The following TMEM164 variants were observed in gnomAD, a reference collection of about 807,000 sequenced individuals.
TMEM164 encodes the protein RP13-360B22.2.
A neutral mutation model predicts 18.8 loss-of-function variants in TMEM164; 4 were observed. That is an observed-to-expected ratio of 0.21 (90% CI 0.10 to 0.49). The LOEUF (loss-of-function observed/expected upper bound fraction) is 0.49, where lower values mean the gene tolerates loss of function less well. Ranked by LOEUF, TMEM164 falls within the 20% of genes least tolerant of loss-of-function variation. TMEM164 has a pLI of 0.98. For missense variants in TMEM164, 108 were observed against 239.9 expected, an observed-to-expected ratio of 0.45 and a Z score of 3.63; for synonymous variants, 86 against 101.7, an observed-to-expected ratio of 0.85 and a Z score of 0.93.
intron 4 of TMEM164, among the ~76,000 whole-genome samples, chrX:110,144,279 T>A (rs2066819066): frequency 8.9e-6 from 1 of 112,192 alleles, no homozygotes; most frequent in Non-Finnish European, 1.9e-5. Context: ...CCATATATTC[T>A]TCATGTCAAA....
chrX:110,015,960 G>A (rs1933340785), intron 2 of TMEM164, among the ~76,000 whole-genome samples: 1 of 112,493 alleles, frequency 8.9e-6, no homozygotes, highest in African/African-American at 3.2e-5. Flanking sequence ...AGCCCTGTGG[G>A]GAATTTCAGG....
chrX:110,068,841 A>T (rs2065540283), intron 3 of TMEM164, among the ~76,000 whole-genome samples: 1 of 111,583 alleles, frequency 9.0e-6, no homozygotes, highest in Non-Finnish European at 1.9e-5. Flanking sequence ...ACATGCATAC[A>T]CACATACACA....
chrX:110,110,607 C>T (rs60698081), intron 4 of TMEM164, among the ~76,000 whole-genome samples: 1,597 of 112,071 alleles, frequency 0.014, 32 homozygotes, highest in African/African-American at 0.049. Flanking sequence ...GATTCTGAAA[C>T]GTAATGTTCA....
At chrX:110,181,576 T>C (rs1353185935), downstream of TMEM164, among the ~76,000 whole-genome samples, 1 of 113,207 alleles carries the variant, frequency 8.8e-6, no homozygotes, top group East Asian at 2.8e-4. Context: ...TATGTCTCTA[T>C]CCTTTCCCTA....
chrX:110,084,968 A>C, intron 3 of TMEM164, among the ~76,000 whole-genome samples: 1 of 109,956 alleles, frequency 9.1e-6, no homozygotes, highest in East Asian at 2.9e-4. Flanking sequence ...TTTCCTTCTC[A>C]ATGTTTTATT....
chrX:110,102,190 CA>C (rs1203822667), intron 3 of TMEM164, among the ~76,000 whole-genome samples: 12 of 104,832 alleles, frequency 1.1e-4, no homozygotes, highest in Non-Finnish European at 2.3e-4. Flanking sequence ...AAAAAACCAA[CA>C]CACCAAAAAC....
chrX:110,127,764 G>A (rs2066555830), intron 4 of TMEM164, among the ~76,000 whole-genome samples: 1 of 111,799 alleles, frequency 8.9e-6, no homozygotes, highest in African/African-American at 3.3e-5. Context: ...TCTCTGATCA[G>A]GGGAGAGACA....
chrX:110,122,638 T>C (rs1205167945), intron 4 of TMEM164, among the ~76,000 whole-genome samples: 1 of 111,994 alleles, frequency 8.9e-6, no homozygotes, highest in African/African-American at 3.2e-5. Flanking sequence ...TTCAGGAACA[T>C]TTCAGATTTC....
At chrX:110,019,544 A>G (rs1022564798) in intron 2 of TMEM164, among the ~76,000 whole-genome samples, 18 of 111,760 alleles carry the variant, frequency 1.6e-4, no homozygotes, top group Admixed American at 5.7e-4. Flanking sequence ...AGTAAAATAC[A>G]TGTTGGATCA....
intron 4 of TMEM164, among the ~76,000 whole-genome samples, chrX:110,133,767 C>T (rs1256347846): frequency 9.0e-6 from 1 of 111,544 alleles, no homozygotes; most frequent in Non-Finnish European, 1.9e-5. Context: ...TATCCTTAGG[C>T]AGACCAAACA....
At chrX:110,087,873 G>T (rs1188462718) in intron 3 of TMEM164, among the ~76,000 whole-genome samples, 2 of 111,671 alleles carry the variant, frequency 1.8e-5, no homozygotes, top group African/African-American at 6.5e-5. Context: ...GGGATGAGAT[G>T]AAATTTCATC....
At chrX:110,086,638 GTATATATATGTA>G (rs2065857650) in intron 3 of TMEM164, among the ~76,000 whole-genome samples, 10 of 50,468 alleles carry the variant, frequency 2.0e-4, no homozygotes, top group African/African-American at 7.2e-4. Context: ...GTATATATGT[GTATATATATGTA>G]TATATATATG....
intron 3 of TMEM164, among the ~76,000 whole-genome samples, chrX:110,072,832 T>G (rs1438298314): frequency 9.0e-6 from 1 of 110,529 alleles, no homozygotes; most frequent in East Asian, 2.8e-4. Flanking sequence ...TTTTGTCTTT[T>G]TTTTTTTCCA....
chrX:110,006,206 C>G (rs1932700202), intron 2 of TMEM164, among the ~76,000 whole-genome samples: 1 of 110,804 alleles, frequency 9.0e-6, no homozygotes, highest in East Asian at 2.8e-4. Flanking sequence ...TGCTTTTGAC[C>G]TCCTGTGTGG....
chrX:110,135,783 T>A (rs1174484393), intron 4 of TMEM164, among the ~76,000 whole-genome samples: 1 of 112,082 alleles, frequency 8.9e-6, no homozygotes, highest in African/African-American at 3.2e-5. Context: ...TATCTAACAT[T>A]TCTCCATATT....
intron 3 of TMEM164, among the ~76,000 whole-genome samples, chrX:110,082,779 T>C (rs1204800808): frequency 9.0e-6 from 1 of 111,063 alleles, no homozygotes; most frequent in Non-Finnish European, 1.9e-5. Context: ...CTTTTTCCCT[T>C]GCCTTTTGTG....
chrX:110,126,911 T>C (rs1325417740), intron 4 of TMEM164, among the ~76,000 whole-genome samples: 1 of 106,856 alleles, frequency 9.4e-6, no homozygotes, highest in Non-Finnish European at 1.9e-5. Flanking sequence ...GGGTGTTCAA[T>C]ATATGACTGA....
chrX:110,104,469 T>C (rs1372885751), intron 3 of TMEM164, among the ~76,000 whole-genome samples: 1 of 111,952 alleles, frequency 8.9e-6, no homozygotes, highest in Non-Finnish European at 1.9e-5. Context: ...AGAGGACCCA[T>C]ACAAAGTGCA....
intron 2 of TMEM164, chrX:110,020,561 G>A (rs1933752566): frequency 1.3e-6 from 1 of 754,465 alleles, no homozygotes; most frequent in African/African-American, 2.3e-5. Flanking sequence ...AGCCATCCAG[G>A]AAGTGGAATG....
Sources: gnomAD v4.1 joint callset for allele counts (sites outside exome capture counted in the v4.1 genomes callset) on GRCh38, gnomAD v4.1.1 for gene constraint, MANE v1.5 for transcripts, NCBI Gene and HGNC (gene_info 2026-07-23, HGNC 2026-07-21) for gene names.